SFSWAP: variants seen among roughly 807,000 people sequenced by gnomAD.
SFSWAP encodes splicing factor SWAP, also known as splicing factor, suppressor of white-apricot homolog.
SFSWAP carries 17 observed loss-of-function variants against 100.7 expected under a neutral mutation model. That is an observed-to-expected ratio of 0.17 (90% confidence interval 0.12 to 0.25). The LOEUF (loss-of-function observed/expected upper bound fraction) is 0.25, where lower values mean the gene tolerates loss of function less well. Among genes scored for constraint, SFSWAP ranks in the 10% least tolerant of loss-of-function variants. SFSWAP has a pLI of 1.00. For synonymous variants in SFSWAP, 504 were observed against 510.1 expected (o/e 0.99, Z 0.16); for missense variants, 1,005 against 1,262.6 (o/e 0.80, Z 3.09).
chr12:131,764,397 G>A, intron 11 of SFSWAP, 59 bp from the exon 12 acceptor site: 3 of 1,379,162 alleles, frequency 2.2e-6, no homozygotes, highest in Non-Finnish European at 3.1e-6. Context: ...GTGGGTAGCA[G>A]GGCCTGCAAA....
intron 15 of SFSWAP, among the ~76,000 whole-genome samples, chr12:131,788,698 C>G (rs547925168): frequency 6.6e-6 from 1 of 151,890 alleles, no homozygotes; most frequent in South Asian, 2.1e-4. Flanking sequence ...GCTGGCTGCT[C>G]TCAAGCTCCT....
At chr12:131,763,330 G>T (rs1882834666) in intron 11 of SFSWAP, among the ~76,000 whole-genome samples, 1 of 152,176 alleles carries the variant, frequency 6.6e-6, no homozygotes, top group African/African-American at 2.4e-5. Flanking sequence ...GGTTTGCGGT[G>T]CACTTAGCAT....
intron 15 of SFSWAP, among the ~76,000 whole-genome samples, chr12:131,793,245 C>G (rs1371931647): frequency 6.6e-6 from 1 of 151,994 alleles, no homozygotes; most frequent in African/African-American, 2.4e-5. Context: ...CCATGCCCAG[C>G]TAATTTTTTT....
intron 7 of SFSWAP, among the ~76,000 whole-genome samples, chr12:131,741,470 C>CA (rs1456027352): frequency 7.3e-5 from 11 of 151,422 alleles, no homozygotes; most frequent in East Asian, 5.8e-4. Flanking sequence ...ACTGTCTCTA[C>CA]AAAAAAAATT....
At chr12:131,728,178 T>C in intron 6 of SFSWAP, 115 bp from the exon 7 acceptor site, 1 of 1,167,776 alleles carries the variant, frequency 8.6e-7, no homozygotes, top group Non-Finnish European at 1.2e-6. Context: ...TGCGTGCATG[T>C]GTGTGTTTTT....
At chr12:131,787,854 C>T (rs1283599901) in intron 15 of SFSWAP, among the ~76,000 whole-genome samples, 1 of 152,146 alleles carries the variant, frequency 6.6e-6, no homozygotes, top group Non-Finnish European at 1.5e-5. Flanking sequence ...CCTCCGTTGA[C>T]AAGATGTGAT....
In SFSWAP at chr12:131,733,165, G is replaced by A. The variant is rs1442881414; in HGVS notation, c.1081+4737G>A. 3.9e-5 allele frequency among the ~76,000 whole-genome samples: 6 copies of A among 152,188 alleles called. No individual in the cohort carries two copies. Among genetic ancestry groups the A allele is most frequent in the Admixed American group, 3.3e-4 (5 of 15,280 alleles). ...GACATTTTGGCCATGGACTTGAAAC[G>A]TCAGCTGTATGAGAGCGGGCGGGGG... On this transcript the variant is annotated intron_variant, in intron 7 of 17. Coordinates refer to ENST00000261674, the MANE Select transcript of SFSWAP (RefSeq NM_004592.4). The surrounding 1 kb of genome is among the most constrained non-coding windows in gnomAD (Gnocchi z 5.1).
chr12:131,752,644 A>G (rs981100694), intron 7 of SFSWAP, among the ~76,000 whole-genome samples: 1 of 152,200 alleles, frequency 6.6e-6, no homozygotes, highest in Admixed American at 6.5e-5. Context: ...TTTCCGGATT[A>G]ACGTGTGAAT....
At position 131,711,736 on chromosome 12, in the gene SFSWAP, C is replaced by T. The variant is rs942080915; in HGVS notation, c.218+289C>T. ...CACCCTGTCGCTGGGCTGCAGTTGG[C>T]GATTCCGCGCGGTGAAAGCAGCCAG... On this transcript the variant is annotated intron_variant, in intron 1 of 17. Coordinates refer to ENST00000261674, the MANE Select transcript of SFSWAP (RefSeq NM_004592.4). This position sits in a 1 kb window ranked among gnomAD's most constrained non-coding sequence, Gnocchi z 4.9. 7.6e-6 allele frequency: 3 copies of T among 394,970 alleles called. No individual in the cohort carries two copies. The highest frequency in any genetic ancestry group is 4.8e-5 in the East Asian group (1 of 20,652). The allele number at this position is 394,970 out of a possible 1,614,324, so 24.5% of individuals were successfully genotyped here. A position where few individuals can be genotyped will look rare whatever the true frequency, so the allele number is the denominator to read the frequency against.
Position 131,725,691 on chromosome 12 carries a change from TG to T in SFSWAP, c.832+64del. On this transcript the variant is annotated intron_variant, in intron 5 of 17. Coordinates refer to ENST00000261674, the MANE Select transcript of SFSWAP (RefSeq NM_004592.4). This position sits in a 1 kb window ranked among gnomAD's most constrained non-coding sequence, Gnocchi z 4.3. ...GGCCTGTGTTGTGGGGGCGGCAGGC[TG>T]GGTGGTTCTGGGAAAAGTGTGAAGA... The T allele has an allele frequency of 8.1e-7, 1 of 1,227,570 alleles. No individual in the cohort carries two copies. The highest frequency in any genetic ancestry group is 2.5e-5 in the East Asian group (1 of 40,400). The allele number at this position is 1,227,570 out of a possible 1,614,324, so 76.0% of individuals were successfully genotyped here.
rs200819938 is a variant in SFSWAP at position 131,755,484 on chromosome 12, G to A, written c.1548+5G>A. On this transcript the variant is annotated splice_donor_5th_base_variant and intron_variant, in intron 10 of 17. Coordinates refer to ENST00000261674, the MANE Select transcript of SFSWAP (RefSeq NM_004592.4). ...GAAGGGGGCGATAGCATGCAGGTAC[G>A]TGTCTGAATGCAGGGAGGCTGTGAA... 444 of 1,601,596 alleles carry A rather than the reference G, an allele frequency of 2.8e-4. No individual in the cohort carries two copies. The highest frequency in any genetic ancestry group is 8.3e-4 in the Middle Eastern group (5 of 6,026).
chr12:131,713,470 A>G (rs1446771106), intron 1 of SFSWAP: 1 of 152,172 alleles, frequency 6.6e-6, no homozygotes, highest in Non-Finnish European at 1.5e-5. Flanking sequence ...CACTGTTCCA[A>G]TGTATGTGTG....
intron 13 of SFSWAP, among the ~76,000 whole-genome samples, chr12:131,767,000 AG>A (rs1883172696): frequency 6.7e-6 from 1 of 148,566 alleles, no homozygotes. Flanking sequence ...TCCTGTGCCA[AG>A]GGGATTGCTC....
chr12:131,737,326 C>G (rs1177711720), intron 7 of SFSWAP, among the ~76,000 whole-genome samples: 1 of 152,164 alleles, frequency 6.6e-6, no homozygotes, highest in Non-Finnish European at 1.5e-5. Context: ...GACCAGTGGC[C>G]AGCACAGAGA....
chr12:131,738,885 C>CTTTTTTTTTTTTCTTTTTTTTTTTTT (rs1880307886), intron 7 of SFSWAP, among the ~76,000 whole-genome samples: 1 of 48,718 alleles, frequency 2.1e-5, no homozygotes, highest in Non-Finnish European at 4.1e-5. Flanking sequence ...GAACATTATT[C>CTTTTTTTTTTTTCTTTTTTTTTTTTT]TTTTTTTTTT....
At chr12:131,750,855 G>GTTTAT (rs1881555357) in intron 7 of SFSWAP, among the ~76,000 whole-genome samples, 1 of 151,748 alleles carries the variant, frequency 6.6e-6, no homozygotes, top group Admixed American at 6.6e-5. Context: ...TGCCCAGCTA[G>GTTTAT]TTTATTTTAT....
At chr12:131,718,788 G>A (rs1030318504) in intron 3 of SFSWAP, among the ~76,000 whole-genome samples, 2 of 152,194 alleles carry the variant, frequency 1.3e-5, no homozygotes, top group African/African-American at 4.8e-5. Context: ...CAGCGGAGGG[G>A]AAAAGGAACA....
chr12:131,719,316 G>T, intron 3 of SFSWAP, 138 bp from the exon 4 acceptor site: 2 of 640,464 alleles, frequency 3.1e-6, no homozygotes, highest in Non-Finnish European at 5.5e-6. Flanking sequence ...AGAGAAAGCT[G>T]AAGATGGCTT....
chr12:131,756,105 A>T (rs1037781189), intron 10 of SFSWAP, among the ~76,000 whole-genome samples: 22 of 152,234 alleles, frequency 1.4e-4, no homozygotes, highest in African/African-American at 4.8e-4. Flanking sequence ...TCAGACCCTT[A>T]TCTCCAATAG....
Sources: gnomAD v4.1 joint callset for allele counts (sites outside exome capture counted in the v4.1 genomes callset) on GRCh38, gnomAD v4.1.1 for gene constraint, Gnocchi (gnomAD v3.1) non-coding constraint, MANE v1.5 for transcripts, NCBI Gene and HGNC (gene_info 2026-07-23, HGNC 2026-07-21) for gene names.